RIC3: variants seen among roughly 807,000 people sequenced by gnomAD.
The protein encoded by RIC3 is protein RIC-3.
RIC3 carries 28 observed loss-of-function variants against 27.3 expected under a neutral mutation model. That is an observed-to-expected ratio of 1.02 (90% CI 0.76 to 1.41). The LOEUF is 1.41. Among genes scored for constraint, RIC3 ranks in the 40% most tolerant of loss-of-function variants. The probability of loss-of-function intolerance (pLI) is 0.00; values close to 1 mark genes in which losing one functional copy is unlikely to be tolerated. For missense variants in RIC3, 501 were observed against 444.7 expected (o/e 1.13, Z -1.14); for synonymous variants, 184 against 160.4 (o/e 1.15, Z -1.11).
chr11:8,095,650 A>C, the RIC3 span: 4 of 1,603,188 alleles, frequency 2.5e-6, no homozygotes, highest in Non-Finnish European at 3.4e-6. Flanking sequence ...TCTCCGTGCC[A>C]CGATGCAGAG....
chr11:8,103,186 G>C (rs530614776), downstream of RIC3: 2 of 152,218 alleles, frequency 1.3e-5, no homozygotes, highest in African/African-American at 2.4e-5. Flanking sequence ...GGCTGGGCCT[G>C]AGCCTAACTC....
the RIC3 span, among the ~76,000 whole-genome samples, chr11:8,099,067 C>T: frequency 6.6e-6 from 1 of 152,052 alleles, no homozygotes; most frequent in East Asian, 1.9e-4. Context: ...AGAGCTCACA[C>T]CACAGCCGGC....
intron 4 of RIC3, among the ~76,000 whole-genome samples, chr11:8,130,392 A>C (rs528551937): frequency 4.6e-5 from 7 of 152,234 alleles, no homozygotes; most frequent in African/African-American, 1.7e-4. Flanking sequence ...CTGCTCCCTA[A>C]ATGCCCAAAG....
At chr11:8,101,759 C>T (rs1944317953), downstream of RIC3, 2 of 1,420,622 alleles carry the variant, frequency 1.4e-6, no homozygotes, top group South Asian at 3.0e-5. Flanking sequence ...CCTGGCCCAG[C>T]CAGCCAGGAA....
At chr11:8,155,491 G>A (rs985329041) in intron 1 of RIC3, among the ~76,000 whole-genome samples, 3 of 152,016 alleles carry the variant, frequency 2.0e-5, no homozygotes, top group Non-Finnish European at 2.9e-5. Context: ...CAGGAGAATC[G>A]CTTGAACCCG....
At chr11:8,101,036 T>C in the RIC3 span, 2 of 1,611,852 alleles carry the variant, frequency 1.2e-6, no homozygotes, top group Non-Finnish European at 1.7e-6. Flanking sequence ...GTCCGTAGGA[T>C]ACCCAAGGCC....
Position 8,169,012 on chromosome 11 carries a change from T to G in RIC3, c.-23A>C. 2.0e-6 allele frequency: 3 copies of G among 1,499,970 alleles called. No individual in the cohort carries two copies. The highest frequency in any genetic ancestry group is 2.3e-5 in the Admixed American group (1 of 43,702). 92.9% of individuals were successfully genotyped at this position (1,499,970 alleles called of 1,614,324 possible). On this transcript the variant is annotated 5_prime_UTR_variant, in exon 1 of 6. Transcript: ENST00000309737. Reference sequence around the variant, plus strand: ...CATGACTGCTCACGGTGGTCGCAGGTGCAGACGCCAGCCGGAACCGGAACC... The same window carrying G: ...CATGACTGCTCACGGTGGTCGCAGGGGCAGACGCCAGCCGGAACCGGAACC...
the RIC3 span, among the ~76,000 whole-genome samples, chr11:8,099,877 A>G: frequency 1.3e-5 from 2 of 152,188 alleles, no homozygotes; most frequent in South Asian, 2.1e-4. Flanking sequence ...TGAAGAAGGA[A>G]TGGAGTGGAT....
chr11:8,145,428 C>T lies in RIC3; in HGVS notation c.125-5235G>A, dbSNP rs567067946. On this transcript the variant is annotated intron_variant, in intron 1 of 5. Transcript: ENST00000309737. ...TTGTGCACACAGGGGAAGATGGTCGCCCCAGCCCCTCAATTTGCATGTTCT... is the reference window on the plus strand; with the variant it reads ...TTGTGCACACAGGGGAAGATGGTCGTCCCAGCCCCTCAATTTGCATGTTCT... 3.9e-5 allele frequency among the ~76,000 whole-genome samples: 6 copies of T among 152,254 alleles called. No individual in the cohort carries two copies. The East Asian group carries it at 9.7e-4, about 25-fold the overall frequency.
At chr11:8,137,034 CTTTT>C (rs1565043764) in intron 4 of RIC3, among the ~76,000 whole-genome samples, 1 of 152,016 alleles carries the variant, frequency 6.6e-6, no homozygotes, top group South Asian at 2.1e-4. Flanking sequence ...CTTTCCTTTT[CTTTT>C]TTTGAGATAG....
chr11:8,151,910 C>G (rs1356211262), intron 1 of RIC3, among the ~76,000 whole-genome samples: 1 of 144,866 alleles, frequency 6.9e-6, no homozygotes, highest in East Asian at 2.0e-4. Context: ...AAGTGAGACT[C>G]GGTCTCAAAA....
At chr11:8,101,524 G>A (rs1161666867), downstream of RIC3, 3 of 1,614,092 alleles carry the variant, frequency 1.9e-6, no homozygotes, top group Non-Finnish European at 2.5e-6. Flanking sequence ...GGTAGCAGAG[G>A]ATGTGTTCAC....
chr11:8,104,539 T>TA (rs1944451392), downstream of RIC3: 2 of 152,204 alleles, frequency 1.3e-5, no homozygotes, highest in South Asian at 4.1e-4. Context: ...AGGAAAGGAA[T>TA]AAGGATGTTG....
At chr11:8,095,922 A>G in the RIC3 span, among the ~76,000 whole-genome samples, 4 of 152,148 alleles carry the variant, frequency 2.6e-5, no homozygotes, top group Admixed American at 6.5e-5. Context: ...GAAGTTTCCC[A>G]TATGTTTGCT....
At chr11:8,168,400 G>C (rs1951928544) in intron 1 of RIC3, among the ~76,000 whole-genome samples, 2 of 152,156 alleles carry the variant, frequency 1.3e-5, no homozygotes, top group African/African-American at 4.8e-5. Context: ...CCAGCACCAA[G>C]TTGAAAAAAC....
intron 5 of RIC3, among the ~76,000 whole-genome samples, chr11:8,113,908 C>A (rs1465375201): frequency 2.0e-5 from 3 of 152,202 alleles, no homozygotes; most frequent in African/African-American, 7.2e-5. Context: ...AAGGCCCAGT[C>A]CAGCCCCAGG....
chr11:8,150,603 C>A (rs7122904), intron 1 of RIC3, among the ~76,000 whole-genome samples: 54,818 of 151,694 alleles, frequency 0.36, 10,111 homozygotes, highest in Non-Finnish European at 0.39. Flanking sequence ...GTTCCCAATA[C>A]CAAAAGGCTG....
the RIC3 span, among the ~76,000 whole-genome samples, chr11:8,093,061 G>A: frequency 3.3e-5 from 5 of 152,268 alleles, no homozygotes; most frequent in South Asian, 2.1e-4. Context: ...CTGCTTTCAC[G>A]GACCTTACAG....
At chr11:8,126,635 A>G in intron 5 of RIC3, 24 bp downstream of exon 5, 1 of 1,610,906 alleles carries the variant, frequency 6.2e-7, no homozygotes, top group Non-Finnish European at 8.5e-7. Context: ...ACAGCTAACA[A>G]AAAAATGAGA....
Sources: gnomAD v4.1 joint callset for allele counts (sites outside exome capture counted in the v4.1 genomes callset) on GRCh38, gnomAD v4.1.1 for gene constraint, MANE v1.5 for transcripts, NCBI Gene and HGNC (gene_info 2026-07-23, HGNC 2026-07-21) for gene names.